Variants in RAP1GDS1 observed in about 807,000 individuals in gnomAD.
RAP1GDS1 encodes the protein Rap1 GTPase-GDP dissociation stimulator 1.
Under a neutral mutation model 71.1 loss-of-function variants are expected in RAP1GDS1, and 35 were observed. The observed-to-expected ratio is 0.49, with a 90% CI of 0.38 to 0.65. The LOEUF (loss-of-function observed/expected upper bound fraction) is 0.65, where lower values mean the gene tolerates loss of function less well. RAP1GDS1 is among the 30% of genes least tolerant of loss of function. The pLI, the probability that RAP1GDS1 is intolerant of heterozygous loss-of-function variation, is 0.00. For missense variants in RAP1GDS1, 663 were observed against 706.1 expected, an observed-to-expected ratio of 0.94 and a Z score of 0.69; for synonymous variants, 229 against 243.1, an observed-to-expected ratio of 0.94 and a Z score of 0.54.
rs557067682 is a variant in RAP1GDS1, at chr4:98,345,859, A to G, written c.235+2598A>G. Among the ~76,000 whole-genome samples, 141 of 152,306 alleles carry G rather than the reference A, an allele frequency of 9.3e-4. 1 individual carries two copies. The highest frequency in any genetic ancestry group is 3.0e-3 in the African/African-American group (125 of 41,556). On this transcript the variant is annotated intron_variant, in intron 3 of 14. Coordinates refer to ENST00000408927, the MANE Select transcript of RAP1GDS1 (RefSeq NM_001100427.2). The stretch of plus-strand genomic sequence containing the variant: ...AATTTATGATGGCAGTGGAATGTGT[A>G]GAGGTGGTCTGAGTACAGCGGTAGC...
At chr4:98,276,744 C>T (rs1724259338) in intron 1 of RAP1GDS1, among the ~76,000 whole-genome samples, 1 of 152,082 alleles carries the variant, frequency 6.6e-6, no homozygotes, top group African/African-American at 2.4e-5. Flanking sequence ...ATTTGCCCAA[C>T]CTGGAAAGGG....
intron 5 of RAP1GDS1, 84 bp downstream of exon 5, chr4:98,379,247 A>G: frequency 8.2e-7 from 1 of 1,224,156 alleles, no homozygotes; most frequent in Non-Finnish European, 1.1e-6. Flanking sequence ...AAATATTTGA[A>G]AAATGATGAA....
intron 5 of RAP1GDS1, among the ~76,000 whole-genome samples, chr4:98,383,272 A>G (rs182190143): frequency 2.0e-5 from 3 of 151,718 alleles, no homozygotes; most frequent in East Asian, 3.9e-4. Flanking sequence ...TAAAGTTACT[A>G]TTTTACGTAA....
chr4:98,403,153 G>A (rs1745670528), intron 6 of RAP1GDS1, among the ~76,000 whole-genome samples: 1 of 152,162 alleles, frequency 6.6e-6, no homozygotes, highest in Non-Finnish European at 1.5e-5. Flanking sequence ...AAAAGGCATA[G>A]ATAACAGGGT....
At chr4:98,312,746 G>C (rs1325808104) in intron 2 of RAP1GDS1, among the ~76,000 whole-genome samples, 1 of 151,744 alleles carries the variant, frequency 6.6e-6, no homozygotes, top group African/African-American at 2.4e-5. Context: ...TATATATAGA[G>C]AGAGAAATAG....
chr4:98,294,783 G>A (rs1263559559), intron 2 of RAP1GDS1, among the ~76,000 whole-genome samples: 1 of 152,040 alleles, frequency 6.6e-6, no homozygotes. Flanking sequence ...GGATAGCACT[G>A]GTCTAGAAAC....
intron 1 of RAP1GDS1, among the ~76,000 whole-genome samples, chr4:98,267,972 A>T (rs1017779011): frequency 4.6e-5 from 7 of 152,324 alleles, no homozygotes; most frequent in Admixed American, 2.0e-4. Flanking sequence ...TAACAGTGTA[A>T]AAACATTCTC....
intron 1 of RAP1GDS1, among the ~76,000 whole-genome samples, chr4:98,263,534 G>A (rs530309452): frequency 1.7e-4 from 26 of 152,148 alleles, no homozygotes; most frequent in Non-Finnish European, 3.4e-4. Flanking sequence ...CTCTTCATAA[G>A]CACTGTTTGT....
intron 1 of RAP1GDS1, among the ~76,000 whole-genome samples, chr4:98,268,452 TAGA>T (rs772615630): frequency 3.3e-5 from 5 of 152,056 alleles, no homozygotes; most frequent in Non-Finnish European, 5.9e-5. Context: ...AAGATAGTAC[TAGA>T]AGTCCTAGCA....
chr4:98,413,230 T>TA (rs1209039436), intron 7 of RAP1GDS1, among the ~76,000 whole-genome samples: 3 of 151,732 alleles, frequency 2.0e-5, no homozygotes, highest in Non-Finnish European at 2.9e-5. Context: ...TATTTTTTTT[T>TA]TTATTATACT....
chr4:98,402,483 T>C (rs1745570553), intron 6 of RAP1GDS1, among the ~76,000 whole-genome samples: 1 of 152,120 alleles, frequency 6.6e-6, no homozygotes, highest in Non-Finnish European at 1.5e-5. Context: ...TTACTTTTTT[T>C]CCCCCTTGGC....
At chr4:98,300,104 C>T (rs910542106) in intron 2 of RAP1GDS1, among the ~76,000 whole-genome samples, 8 of 152,060 alleles carry the variant, frequency 5.3e-5, no homozygotes, top group Non-Finnish European at 7.4e-5. Context: ...TTGCATGCTA[C>T]GGGTATCTTT....
chr4:98,420,318 ATTAT>A (rs1345500122), intron 11 of RAP1GDS1, among the ~76,000 whole-genome samples, 174 bp downstream of exon 11: 7 of 151,056 alleles, frequency 4.6e-5, no homozygotes, highest in East Asian at 1.9e-4. Flanking sequence ...GCTTGTTATA[ATTAT>A]TTATTTATAC....
At chr4:98,408,189 G>T (rs1578772743) in intron 7 of RAP1GDS1, among the ~76,000 whole-genome samples, 1 of 151,714 alleles carries the variant, frequency 6.6e-6, no homozygotes, top group Non-Finnish European at 1.5e-5. Flanking sequence ...GCTCACTGCA[G>T]CCTCCACCTG....
At position 98,269,965 on chromosome 4, in the gene RAP1GDS1, C is replaced by G. The variant is rs181469209; in HGVS notation, c.4+8396C>G. Among the ~76,000 whole-genome samples, 159 of 152,164 alleles carry G rather than the reference C, an allele frequency of 1.0e-3. 1 individual carries two copies. Among genetic ancestry groups the G allele is most frequent in the Admixed American group, 6.1e-3 (93 of 15,272 alleles). On this transcript the variant is annotated intron_variant, in intron 1 of 14. Transcript: ENST00000408927. ...TGCTGCTATGACAGAATACTGCAGA[C>G]TGGGTAATATATAAAGAACAGAAAT...
chr4:98,355,466 A>G (rs1191098812), intron 4 of RAP1GDS1, among the ~76,000 whole-genome samples: 2 of 152,208 alleles, frequency 1.3e-5, no homozygotes, highest in African/African-American at 4.8e-5. Flanking sequence ...AGTAGATAGT[A>G]AAGTTGATGT....
At chr4:98,329,750 T>G (rs1319074988) in intron 2 of RAP1GDS1, among the ~76,000 whole-genome samples, 2 of 146,882 alleles carry the variant, frequency 1.4e-5, no homozygotes, top group African/African-American at 5.2e-5. Flanking sequence ...GATCATGCCA[T>G]TGCATTCCAG....
chr4:98,400,498 T>G (rs1745224576), intron 6 of RAP1GDS1, among the ~76,000 whole-genome samples: 1 of 143,468 alleles, frequency 7.0e-6, no homozygotes, highest in Admixed American at 7.2e-5. Context: ...TTCTCACACA[T>G]GTGGAAGCTT....
chr4:98,321,680 G>A (rs1301910661), intron 2 of RAP1GDS1, among the ~76,000 whole-genome samples: 1 of 139,678 alleles, frequency 7.2e-6, no homozygotes, highest in Admixed American at 7.3e-5. Context: ...AGCTTCATAA[G>A]TGAAGGAGAA....
Sources: allele counts gnomAD v4.1 joint callset (sites outside exome capture counted in the v4.1 genomes callset), GRCh38; gene constraint gnomAD v4.1.1; transcripts MANE v1.5; gene names NCBI Gene and HGNC (gene_info 2026-07-23, HGNC 2026-07-21).